The following ZFR variants were observed in gnomAD, a reference collection of about 807,000 sequenced individuals.
ZFR encodes the protein zinc finger RNA binding protein.
ZFR carries 19 observed loss-of-function variants against 130.7 expected under a neutral mutation model. That is an observed-to-expected ratio of 0.15 (90% CI 0.10 to 0.21). The LOEUF (loss-of-function observed/expected upper bound fraction) is 0.21. ZFR is among the 10% of genes least tolerant of loss of function. The pLI, the probability that ZFR is intolerant of heterozygous loss-of-function variation, is 1.00. For synonymous variants in ZFR, 466 were observed against 456.9 expected, an observed-to-expected ratio of 1.02 and a Z score of -0.25; for missense variants, 872 against 1,321.5, an observed-to-expected ratio of 0.66 and a Z score of 5.27.
chr5:32,424,159 C>G (rs1413317930), intron 2 of ZFR, among the ~76,000 whole-genome samples: 1 of 152,150 alleles, frequency 6.6e-6, no homozygotes, highest in East Asian at 1.9e-4. Context: ...AGAAGCCTCT[C>G]AGAGAAAGAT....
rs869249272 is a variant in ZFR at position 32,438,253 on chromosome 5, A to ATTTTTTTTTTTTT, written c.137+5963_137+5975dup. Among the ~76,000 whole-genome samples, 381 of 60,968 alleles carry ATTTTTTTTTTTTT rather than the reference A, an allele frequency of 6.2e-3. 49 individuals are homozygous for ATTTTTTTTTTTTT. The highest frequency in any genetic ancestry group is 7.0e-3 in the Non-Finnish European group (233 of 33,392). 40.0% of individuals were successfully genotyped at this position (60,968 alleles called of 152,430 possible). A position where few individuals can be genotyped will look rare whatever the true frequency, so the allele number is the denominator to read the frequency against. ...AGAATGCTACTGATTTTATCTGAAAATTTTTTTTTTTTTTTTTTTTTTTTT... is the reference window on the plus strand; with the variant it reads ...AGAATGCTACTGATTTTATCTGAAAATTTTTTTTTTTTTTTTTTTTTTTTTTTTTTTTTTTTTT... On this transcript the variant is annotated intron_variant, in intron 2 of 19. Transcript: ENST00000265069.
At chr5:32,427,669 C>A (rs534424854) in intron 2 of ZFR, among the ~76,000 whole-genome samples, 68 of 152,144 alleles carry the variant, frequency 4.5e-4, no homozygotes, top group African/African-American at 1.6e-3. Flanking sequence ...CTCAAGAGAT[C>A]CCTAATAGCA....
intron 2 of ZFR, among the ~76,000 whole-genome samples, chr5:32,423,390 C>CA (rs772318425): frequency 6.6e-6 from 1 of 151,592 alleles, no homozygotes; most frequent in African/African-American, 2.4e-5. Context: ...ACACAAATCA[C>CA]CACATGTCTG....
intron 14 of ZFR, among the ~76,000 whole-genome samples, chr5:32,387,225 A>T (rs41270315): frequency 0.017 from 2,628 of 151,942 alleles, 30 homozygotes; most frequent in East Asian, 0.045. Context: ...TTTTTTTTTT[A>T]AAAAATCACT....
chr5:32,406,909 TGCAGCAGCAGCAGCA>T lies in ZFR; in HGVS notation c.882_896del (p.Ala295_Ala299del), dbSNP rs746629041. 1 of 1,610,420 alleles carries T rather than the reference TGCAGCAGCAGCAGCA, an allele frequency of 6.2e-7. No homozygotes were observed. The highest frequency in any genetic ancestry group is 2.2e-5 in the East Asian group (1 of 44,820). ...AGGTGGTCCCTGTCCAGGCAGCTGT[TGCAGCAGCAGCAGCA>T]GCTGCTGCTGCTGCCTGCTTCTGTT... On this transcript the variant is annotated inframe_deletion, in exon 6 of 20. Transcript: ENST00000265069.
At chr5:32,415,308 G>A (rs1267588686) in intron 4 of ZFR, 121 bp from the exon 5 acceptor site, 1 of 821,652 alleles carries the variant, frequency 1.2e-6, no homozygotes, top group Non-Finnish European at 1.9e-6. Flanking sequence ...TTTTATGCCA[G>A]CAATTTCTCC....
intron 12 of ZFR, among the ~76,000 whole-genome samples, chr5:32,389,260 G>A (rs571746093): frequency 6.6e-6 from 1 of 152,252 alleles, no homozygotes; most frequent in African/African-American, 2.4e-5. Context: ...CAATTTAGAA[G>A]TAGTAGGTTT....
At chr5:32,367,481 TAAATAA>T (rs921788965) in intron 17 of ZFR, among the ~76,000 whole-genome samples, 1 of 151,746 alleles carries the variant, frequency 6.6e-6, no homozygotes, top group Non-Finnish European at 1.5e-5. Context: ...AATAAATAAA[TAAATAA>T]ATAACTCACT....
chr5:32,379,669 C>G, intron 16 of ZFR: 1 of 190,264 alleles, frequency 5.3e-6, no homozygotes, highest in Non-Finnish European at 1.1e-5. Context: ...CACTTATTAA[C>G]TTAGAGAAAG....
chr5:32,420,194 A>C, intron 2 of ZFR, 91 bp from the exon 3 acceptor site: 3 of 1,336,262 alleles, frequency 2.2e-6, no homozygotes, highest in Non-Finnish European at 2.9e-6. Flanking sequence ...CTGAAATAAA[A>C]AGCACATTTT....
intron 17 of ZFR, among the ~76,000 whole-genome samples, chr5:32,377,226 C>T (rs1378375035): frequency 1.3e-5 from 2 of 148,592 alleles, no homozygotes; most frequent in African/African-American, 2.4e-5. Context: ...CTCTCTCTCT[C>T]TCTCTCTCCT....
intron 9 of ZFR, among the ~76,000 whole-genome samples, chr5:32,397,586 T>C (rs1411907486): frequency 1.3e-5 from 2 of 152,036 alleles, no homozygotes; most frequent in Non-Finnish European, 2.9e-5. Context: ...CCCAAGTAGC[T>C]GGGATTAAAG....
intron 19 of ZFR, among the ~76,000 whole-genome samples, chr5:32,359,359 T>G (rs757713555): frequency 6.6e-6 from 1 of 152,112 alleles, no homozygotes; most frequent in Non-Finnish European, 1.5e-5. Context: ...GTGTATTTTA[T>G]GCATGGCCCA....
chr5:32,434,019 A>C (rs1754278204), intron 2 of ZFR, among the ~76,000 whole-genome samples: 1 of 152,208 alleles, frequency 6.6e-6, no homozygotes, highest in Non-Finnish European at 1.5e-5. Flanking sequence ...GCAGTGAGCC[A>C]AGATTGTGCC....
At chr5:32,418,724 T>C (rs1412154419) in intron 3 of ZFR, among the ~76,000 whole-genome samples, 1 of 152,214 alleles carries the variant, frequency 6.6e-6, no homozygotes, top group African/African-American at 2.4e-5. Context: ...TATTGTTGAT[T>C]TACATTTCAA....
intron 2 of ZFR, among the ~76,000 whole-genome samples, chr5:32,442,394 C>T (rs923180774): frequency 2.6e-5 from 4 of 152,148 alleles, no homozygotes; most frequent in Admixed American, 6.5e-5. Flanking sequence ...AATTAGTCCA[C>T]GTAACCAAAA....
Position 32,420,344 on chromosome 5 carries a change from T to TAGTC in ZFR, c.138-245_138-242dup, listed in dbSNP as rs540260936. 2.2e-3 allele frequency among the ~76,000 whole-genome samples: 334 copies of TAGTC among 152,186 alleles called. 1 individual carries two copies. Among genetic ancestry groups the TAGTC allele is most frequent in the Middle Eastern group, 0.01 (3 of 294 alleles). ...CATTCTTTAATCTCAATACATTATA[T>TAGTC]AGTCACACGTTTCAGATCATAGATT... On this transcript the variant is annotated intron_variant, in intron 2 of 19. Transcript: ENST00000265069.
intron 2 of ZFR, among the ~76,000 whole-genome samples, chr5:32,424,487 C>T (rs1280630238): frequency 4.0e-5 from 6 of 149,864 alleles, no homozygotes; most frequent in Non-Finnish European, 7.4e-5. Flanking sequence ...GCCGAGATCG[C>T]GCGCCACTGC....
intron 2 of ZFR, among the ~76,000 whole-genome samples, chr5:32,440,414 G>A (rs1279598719): frequency 6.6e-6 from 1 of 152,164 alleles, no homozygotes; most frequent in East Asian, 1.9e-4. Context: ...TTTGGAGGCT[G>A]AGGCGGGCGG....
Sources: allele counts gnomAD v4.1 joint callset (sites outside exome capture counted in the v4.1 genomes callset), GRCh38; gene constraint gnomAD v4.1.1; transcripts MANE v1.5; gene names NCBI Gene and HGNC (gene_info 2026-07-23, HGNC 2026-07-21).